PDGFRL: variants seen among roughly 807,000 people sequenced by gnomAD.
PDGFRL encodes the protein platelet-derived growth factor receptor-like protein.
PDGFRL carries 46 observed loss-of-function variants against 37.2 expected under a neutral mutation model. The observed-to-expected ratio is 1.24, with a 90% CI of 0.98 to 1.58. PDGFRL has a LOEUF of 1.58. Ranked by LOEUF, PDGFRL falls within the 40% of genes most tolerant of loss-of-function variation. The pLI is 0.00. For synonymous variants in PDGFRL, 251 were observed against 184.3 expected (o/e 1.36, Z -2.93); for missense variants, 692 against 467.6 (o/e 1.48, Z -4.43).
intron 2 of PDGFRL, among the ~76,000 whole-genome samples, chr8:17,595,532 C>T (rs1804034240): frequency 6.6e-6 from 1 of 152,214 alleles, no homozygotes; most frequent in Admixed American, 6.5e-5. Flanking sequence ...GAGAACTCTC[C>T]TGGGCCCTGG....
chr8:17,586,992 T>A (rs1296675957), intron 1 of PDGFRL, among the ~76,000 whole-genome samples: 1 of 152,204 alleles, frequency 6.6e-6, no homozygotes, highest in Non-Finnish European at 1.5e-5. Context: ...TTCTTGTATT[T>A]TTTAAGTCTT....
intron 2 of PDGFRL, among the ~76,000 whole-genome samples, chr8:17,591,227 A>T (rs1363670118): frequency 1.3e-5 from 2 of 152,170 alleles, no homozygotes; most frequent in East Asian, 3.9e-4. Flanking sequence ...TGTTACAGTC[A>T]GAGGCCTCAA....
chr8:17,584,240 G>C (rs1276804902), intron 1 of PDGFRL, among the ~76,000 whole-genome samples: 1 of 152,186 alleles, frequency 6.6e-6, no homozygotes, highest in Non-Finnish European at 1.5e-5. Flanking sequence ...CTGATAAAGG[G>C]AGCATCAGGA....
At chr8:17,628,085 C>T (rs1179413624) in intron 3 of PDGFRL, among the ~76,000 whole-genome samples, 1 of 150,064 alleles carries the variant, frequency 6.7e-6, no homozygotes, top group Non-Finnish European at 1.5e-5. Flanking sequence ...GCTCCGCCTC[C>T]CGGGTTCACG....
At chr8:17,605,340 G>A (rs184005737) in intron 2 of PDGFRL, among the ~76,000 whole-genome samples, 1 of 152,158 alleles carries the variant, frequency 6.6e-6, no homozygotes, top group African/African-American at 2.4e-5. Context: ...TGTGTTCTTG[G>A]ACCTCATGCT....
intron 2 of PDGFRL, among the ~76,000 whole-genome samples, chr8:17,592,662 C>T (rs1803964223): frequency 6.6e-6 from 1 of 152,150 alleles, no homozygotes; most frequent in African/African-American, 2.4e-5. Context: ...CACTCTTGGG[C>T]CCCTCAGTAC....
chr8:17,581,738 T>C (rs2705095), intron 1 of PDGFRL, among the ~76,000 whole-genome samples: 146,369 of 152,210 alleles, frequency 0.96, 70,655 homozygotes, highest in East Asian at 1. Flanking sequence ...GTGGAAGCAG[T>C]CTGAGGCCTT....
At chr8:17,605,843 C>T (rs1005793116) in intron 2 of PDGFRL, among the ~76,000 whole-genome samples, 3 of 152,118 alleles carry the variant, frequency 2.0e-5, no homozygotes, top group African/African-American at 7.2e-5. Context: ...GTGCGTGGGG[C>T]ACAGGAGATC....
intron 2 of PDGFRL, among the ~76,000 whole-genome samples, chr8:17,617,552 C>T (rs1419474901): frequency 6.6e-6 from 1 of 152,174 alleles, no homozygotes; most frequent in East Asian, 1.9e-4. Flanking sequence ...GCGTAGTCTG[C>T]TGCCTAGACG....
chr8:17,613,831 C>G (rs1433892551), intron 2 of PDGFRL, among the ~76,000 whole-genome samples: 1 of 152,056 alleles, frequency 6.6e-6, no homozygotes, highest in East Asian at 1.9e-4. Context: ...TGCCCTCCAG[C>G]CTGGGTAACA....
At chr8:17,589,799 A>C (rs369409360) in intron 2 of PDGFRL, 34 bp downstream of exon 2, 19 of 1,308,140 alleles carry the variant, frequency 1.5e-5, no homozygotes, top group Non-Finnish European at 1.9e-5. Context: ...TGTAGGGTTG[A>C]GGATTTGTAA....
chr8:17,612,426 C>G lies in PDGFRL; in HGVS notation c.354-8625C>G, dbSNP rs534513830. Among the ~76,000 whole-genome samples the G allele has an allele frequency of 5.8e-4, 89 of 152,176 alleles. 1 individual carries two copies. The highest frequency in any genetic ancestry group is 2.0e-3 in the African/African-American group (83 of 41,544). ...TCACTCTGTTGCCCAGGCCATAGTG[C>G]AGTGGCATGATCTCAGCTCACTGCA... is the stretch of plus-strand genomic sequence containing the variant. On this transcript the variant is annotated intron_variant, in intron 2 of 5. Transcript: ENST00000251630.
At chr8:17,631,692 G>T (rs1193619432) in intron 4 of PDGFRL, among the ~76,000 whole-genome samples, 1 of 152,036 alleles carries the variant, frequency 6.6e-6, no homozygotes, top group African/African-American at 2.4e-5. Flanking sequence ...CAAGGTACTC[G>T]GGGACCCCCA....
intron 2 of PDGFRL, among the ~76,000 whole-genome samples, chr8:17,609,469 T>A (rs1453083421): frequency 6.7e-6 from 1 of 150,340 alleles, no homozygotes; most frequent in African/African-American, 2.4e-5. Flanking sequence ...AGCGAGACTC[T>A]GTCTGGAAAA....
intron 2 of PDGFRL, among the ~76,000 whole-genome samples, chr8:17,605,171 G>T (rs1301795719): frequency 6.6e-6 from 1 of 152,026 alleles, no homozygotes; most frequent in African/African-American, 2.4e-5. Context: ...GAAGGAGGGA[G>T]AGAGACTGAA....
intron 4 of PDGFRL, among the ~76,000 whole-genome samples, chr8:17,632,680 GA>G (rs1167611973): frequency 6.6e-6 from 1 of 152,094 alleles, no homozygotes; most frequent in Admixed American, 6.6e-5. Context: ...ACTTCTCCCA[GA>G]AACAAAGTCC....
At chr8:17,576,532 G>T (rs568898026), upstream of PDGFRL, 60 of 158,554 alleles carry the variant, frequency 3.8e-4, no homozygotes, top group Non-Finnish European at 6.8e-4. Flanking sequence ...TCTGCGAACT[G>T]GCTGCACCTG....
At chr8:17,587,856 C>T (rs1240522153) in intron 1 of PDGFRL, among the ~76,000 whole-genome samples, 5 of 152,098 alleles carry the variant, frequency 3.3e-5, no homozygotes, top group Admixed American at 6.5e-5. Flanking sequence ...TCTCAAACTT[C>T]TGACCTCAAC....
At chr8:17,641,128 C>G (rs1243768768) in intron 5 of PDGFRL, among the ~76,000 whole-genome samples, 1 of 152,162 alleles carries the variant, frequency 6.6e-6, no homozygotes, top group Non-Finnish European at 1.5e-5. Context: ...TCTGTCCCTG[C>G]CAACAGCACC....
Sources: allele counts gnomAD v4.1 joint callset (sites outside exome capture counted in the v4.1 genomes callset), GRCh38; gene constraint gnomAD v4.1.1; transcripts MANE v1.5; gene names NCBI Gene and HGNC (gene_info 2026-07-23, HGNC 2026-07-21).